DRAM1: variants seen among roughly 807,000 people sequenced by gnomAD.
DRAM1 encodes the protein DNA damage regulated autophagy modulator 1.
DRAM1 carries 25 observed loss-of-function variants against 28.5 expected under a neutral mutation model. That is an observed-to-expected ratio of 0.88 (90% CI 0.64 to 1.23). DRAM1 has a LOEUF of 1.23. Among genes scored for constraint, DRAM1 ranks in the 50% most tolerant of loss-of-function variants. The pLI, the probability that DRAM1 is intolerant of heterozygous loss-of-function variation, is 0.00. For missense variants in DRAM1, 249 were observed against 299.2 expected, an observed-to-expected ratio of 0.83 and a Z score of 1.24; for synonymous variants, 113 against 114.2, an observed-to-expected ratio of 0.99 and a Z score of 0.07.
rs1391750853 is a variant in DRAM1, at chr12:101,877,657, C to T, written c.-133C>T. ...CCCCTCCCTCCGGGGCTGGGCCTGC[C>T]CCGGCCGTCGCGGAGCCTCCCCTCC... On this transcript the variant is annotated 5_prime_UTR_variant, in exon 1 of 7. Coordinates refer to ENST00000258534, the MANE Select transcript of DRAM1 (RefSeq NM_018370.3). The surrounding 1 kb of genome is among the most constrained non-coding windows in gnomAD (Gnocchi z 4.1). 4 of 596,098 alleles carry T rather than the reference C, an allele frequency of 6.7e-6. No individual in the cohort carries two copies. Among genetic ancestry groups the T allele is most frequent in the African/African-American group, 3.9e-5 (2 of 51,262 alleles). 36.9% of individuals were successfully genotyped at this position (596,098 alleles called of 1,614,324 possible).
At chr12:101,914,133 T>C in intron 4 of DRAM1, 41 bp from the exon 5 acceptor site, 3 of 1,369,856 alleles carry the variant, frequency 2.2e-6, no homozygotes, top group Non-Finnish European at 3.0e-6. Flanking sequence ...TTAAAGGAAC[T>C]GTTGTGTGCT....
At chr12:101,920,069 T>C in intron 5 of DRAM1, 40 bp from the exon 6 acceptor site, 1 of 1,434,336 alleles carries the variant, frequency 7.0e-7, no homozygotes, top group Non-Finnish European at 9.6e-7. Flanking sequence ...TTAAAGTGAG[T>C]CTTTTTCGGC....
chr12:101,916,402 G>T lies in DRAM1; in HGVS notation c.579+2170G>T, dbSNP rs144277086. 2.0e-5 allele frequency among the ~76,000 whole-genome samples: 3 copies of T among 152,362 alleles called. No homozygotes were observed. In the East Asian group the frequency reaches 5.8e-4, roughly 29 times the overall value. ...GCCTGTAGTCCCAGCTACTTGGGAA[G>T]CTGAGGTGGAAGGATCACTTGCACT... On this transcript the variant is annotated intron_variant, in intron 5 of 6. Coordinates refer to ENST00000258534, the MANE Select transcript of DRAM1 (RefSeq NM_018370.3).
chr12:101,912,457 C>A (rs1267886804), intron 4 of DRAM1, among the ~76,000 whole-genome samples: 2 of 152,120 alleles, frequency 1.3e-5, no homozygotes, highest in Non-Finnish European at 2.9e-5. Context: ...AGAGCTGAGA[C>A]CAAGTTTTCC....
At chr12:101,908,030 G>A (rs1310224326) in intron 3 of DRAM1, among the ~76,000 whole-genome samples, 156 bp from the exon 4 acceptor site, 1 of 152,152 alleles carries the variant, frequency 6.6e-6, no homozygotes, top group African/African-American at 2.4e-5. Context: ...TTCAGCACCT[G>A]GAGGGCTTTT....
chr12:101,909,626 A>G (rs1468461136), intron 4 of DRAM1, among the ~76,000 whole-genome samples: 1 of 152,176 alleles, frequency 6.6e-6, no homozygotes, highest in Non-Finnish European at 1.5e-5. Context: ...GTAAATTAAA[A>G]TATGTTTAGC....
In DRAM1 at chr12:101,914,238, A is replaced by G; in HGVS notation, c.579+6A>G. 2 of 1,605,406 alleles carry G rather than the reference A, an allele frequency of 1.2e-6. No homozygotes were observed. The highest frequency in any genetic ancestry group is 8.5e-7 in the Non-Finnish European group (1 of 1,176,506). ...AGTGGAATCCAAGAGAAAAGGTAAC[A>G]TTTAAGTTGTTGTGAATGTGGTTGT... On this transcript the variant is annotated splice_donor_region_variant and intron_variant, in intron 5 of 6. Transcript: ENST00000258534.
At chr12:101,880,999 C>T (rs1872667927) in intron 1 of DRAM1, among the ~76,000 whole-genome samples, 1 of 152,196 alleles carries the variant, frequency 6.6e-6, no homozygotes, top group African/African-American at 2.4e-5. Flanking sequence ...CTCTGCTTAC[C>T]TGAGCAGCCG....
chr12:101,920,295 TTC>T (rs2121180512), intron 6 of DRAM1, 94 bp downstream of exon 6: 49 of 380,048 alleles, frequency 1.3e-4, no homozygotes, highest in South Asian at 2.5e-4. Context: ...AAAGAGCACT[TTC>T]TTTTTTTTTT....
At chr12:101,916,639 G>A (rs762310532) in intron 5 of DRAM1, among the ~76,000 whole-genome samples, 1 of 152,196 alleles carries the variant, frequency 6.6e-6, no homozygotes, top group Non-Finnish European at 1.5e-5. Flanking sequence ...CAGGAAAGAA[G>A]AGAGTTAGTG....
chr12:101,907,156 T>C (rs1811670555), intron 3 of DRAM1, among the ~76,000 whole-genome samples: 1 of 131,796 alleles, frequency 7.6e-6, no homozygotes, highest in East Asian at 2.4e-4. Flanking sequence ...GCTATGATCA[T>C]GCCACTGCAC....
chr12:101,919,961 G>A (rs1415985697), intron 5 of DRAM1, 148 bp from the exon 6 acceptor site: 5 of 446,464 alleles, frequency 1.1e-5, no homozygotes, highest in South Asian at 6.9e-5. Context: ...ACTTAGTAAC[G>A]TGGTTGTGCT....
intron 1 of DRAM1, among the ~76,000 whole-genome samples, chr12:101,891,230 G>GT (rs1161330685): frequency 2.1e-4 from 32 of 151,954 alleles, no homozygotes; most frequent in Admixed American, 8.5e-4. Flanking sequence ...GGGGAATTAT[G>GT]TTTTTTTTAG....
At chr12:101,890,099 G>T (rs559028482) in intron 1 of DRAM1, 17 of 450,536 alleles carry the variant, frequency 3.8e-5, no homozygotes, top group African/African-American at 3.4e-4. Context: ...TATTTTTTGA[G>T]ATGAAGCCTC....
intron 3 of DRAM1, among the ~76,000 whole-genome samples, chr12:101,902,344 A>C (rs528297518): frequency 2.4e-4 from 37 of 152,314 alleles, no homozygotes; most frequent in African/African-American, 8.7e-4. Flanking sequence ...AGATCAGTTG[A>C]ATAATGCATG....
chr12:101,896,107 C>T (rs1044543380), intron 1 of DRAM1, among the ~76,000 whole-genome samples: 59 of 151,916 alleles, frequency 3.9e-4, no homozygotes, highest in African/African-American at 1.4e-3. Flanking sequence ...AGGCTGGTCT[C>T]GAACTCCTGA....
At chr12:101,918,423 T>C (rs186165153) in intron 5 of DRAM1, among the ~76,000 whole-genome samples, 5 of 152,330 alleles carry the variant, frequency 3.3e-5, no homozygotes. Flanking sequence ...CTGGTACTGG[T>C]ACCAGAAGGA....
intron 3 of DRAM1, among the ~76,000 whole-genome samples, chr12:101,902,295 A>G (rs1009315119): frequency 3.3e-5 from 5 of 152,218 alleles, no homozygotes; most frequent in South Asian, 2.1e-4. Context: ...CCATTTATCA[A>G]TGGTAAAATG....
At chr12:101,904,348 G>A (rs1295640297) in intron 3 of DRAM1, among the ~76,000 whole-genome samples, 1 of 126,098 alleles carries the variant, frequency 7.9e-6, no homozygotes, top group Non-Finnish European at 1.7e-5. Flanking sequence ...TTTTAGAAAA[G>A]AAACTTTCCA....
Sources: allele counts gnomAD v4.1 joint callset (sites outside exome capture counted in the v4.1 genomes callset), GRCh38; gene constraint gnomAD v4.1.1; non-coding constraint Gnocchi (gnomAD v3.1); transcripts MANE v1.5; gene names NCBI Gene and HGNC (gene_info 2026-07-23, HGNC 2026-07-21).